The following COL26A1 variants were observed in gnomAD, a reference collection of about 807,000 sequenced individuals.
COL26A1 encodes the protein collagen alpha-1(XXVI) chain.
A neutral mutation model predicts 59.3 loss-of-function variants in COL26A1; 41 were observed. That is an observed-to-expected ratio of 0.69 (90% CI 0.54 to 0.90). COL26A1 has a LOEUF of 0.90. Among genes scored for constraint, COL26A1 ranks in the 40% least tolerant of loss-of-function variants. The pLI, the probability that COL26A1 is intolerant of heterozygous loss-of-function variation, is 0.00. For synonymous variants in COL26A1, 266 were observed against 256.0 expected, an observed-to-expected ratio of 1.04 and a Z score of -0.37; for missense variants, 612 against 602.3, an observed-to-expected ratio of 1.02 and a Z score of -0.17.
At chr7:101,425,693 G>A (rs960845446) in intron 2 of COL26A1, among the ~76,000 whole-genome samples, 1 of 151,874 alleles carries the variant, frequency 6.6e-6, no homozygotes, top group African/African-American at 2.4e-5. Flanking sequence ...AGTGGAAATG[G>A]GGTTTCACCA....
intron 4 of COL26A1, among the ~76,000 whole-genome samples, chr7:101,534,455 C>A (rs531898777): frequency 2.6e-4 from 39 of 152,264 alleles, no homozygotes; most frequent in African/African-American, 8.9e-4. Flanking sequence ...GGCACCTGTG[C>A]ACACACATCT....
chr7:101,491,698 C>T (rs562767324), intron 3 of COL26A1, among the ~76,000 whole-genome samples: 19 of 152,202 alleles, frequency 1.2e-4, no homozygotes, highest in East Asian at 1.9e-4. Flanking sequence ...GGGAGTGTAG[C>T]GGTGAGGACG....
intron 3 of COL26A1, among the ~76,000 whole-genome samples, chr7:101,449,759 A>G (rs1024358499): frequency 6.6e-5 from 10 of 152,186 alleles, no homozygotes; most frequent in African/African-American, 2.2e-4. Flanking sequence ...TAGGTTTGAC[A>G]CCTTGCTAGA....
intron 3 of COL26A1, among the ~76,000 whole-genome samples, chr7:101,450,312 C>T (rs572876895): frequency 1.1e-4 from 17 of 152,246 alleles, no homozygotes; most frequent in Admixed American, 7.2e-4. Context: ...GGAAGCTCAT[C>T]TGAGCCAGAG....
upstream of COL26A1, chr7:101,362,803 C>T (rs1790920746): frequency 1.9e-6 from 1 of 534,850 alleles, no homozygotes; most frequent in Non-Finnish European, 3.3e-6. Flanking sequence ...AACAAAAAAG[C>T]CCCACGCCCC....
chr7:101,362,902 C>T lies in COL26A1; in HGVS notation c.-131C>T, dbSNP rs941985987. ...CCCCCACACATTTCCAGCTCGCACCCGGGCTCCGACCGCTCGCCCCGCTCC... is the reference window on the plus strand; with the variant it reads ...CCCCCACACATTTCCAGCTCGCACCTGGGCTCCGACCGCTCGCCCCGCTCC... On this transcript the variant is annotated 5_prime_UTR_variant, in exon 1 of 13. Coordinates refer to ENST00000313669, the MANE Select transcript of COL26A1 (RefSeq NM_001278563.3). 3 of 942,330 alleles carry T rather than the reference C, an allele frequency of 3.2e-6. No homozygotes were observed. The highest frequency in any genetic ancestry group is 3.0e-6 in the Non-Finnish European group (2 of 670,182). 58.4% of individuals were successfully genotyped at this position (942,330 alleles called of 1,614,324 possible).
At chr7:101,466,184 A>G (rs1223007901) in intron 3 of COL26A1, among the ~76,000 whole-genome samples, 10 of 151,936 alleles carry the variant, frequency 6.6e-5, no homozygotes, top group African/African-American at 2.2e-4. Flanking sequence ...GGCTCCACAC[A>G]CTAGTTCTGT....
intron 3 of COL26A1, among the ~76,000 whole-genome samples, chr7:101,530,351 T>G (rs756250318): frequency 1.3e-5 from 2 of 151,668 alleles, no homozygotes; most frequent in Non-Finnish European, 2.9e-5. Context: ...GGCGGATCCC[T>G]TGAGGTCAGA....
At chr7:101,537,169 TCCCACTG>T (rs1795499014) in intron 4 of COL26A1, among the ~76,000 whole-genome samples, 1 of 152,220 alleles carries the variant, frequency 6.6e-6, no homozygotes, top group Non-Finnish European at 1.5e-5. Flanking sequence ...CCATCTGCTC[TCCCACTG>T]GTGCAGACCT....
intron 1 of COL26A1, among the ~76,000 whole-genome samples, chr7:101,375,057 C>T (rs950536887): frequency 1.0e-5 from 1 of 97,076 alleles, no homozygotes; most frequent in Non-Finnish European, 1.9e-5. Flanking sequence ...AAGACTCCAT[C>T]TTAAAAAAAA....
At chr7:101,549,946 G>A (rs1424199904) in intron 9 of COL26A1, among the ~76,000 whole-genome samples, 3 of 152,142 alleles carry the variant, frequency 2.0e-5, no homozygotes, top group Admixed American at 6.5e-5. Flanking sequence ...CCCCAGGTTC[G>A]CCCTGCCTCT....
At chr7:101,524,400 C>T (rs899913276) in intron 3 of COL26A1, among the ~76,000 whole-genome samples, 11 of 152,266 alleles carry the variant, frequency 7.2e-5, no homozygotes, top group Admixed American at 1.3e-4. Context: ...TATCAGGCAC[C>T]TACAGCCAGA....
At chr7:101,393,006 G>GTTTTT (rs11350670) in intron 1 of COL26A1, among the ~76,000 whole-genome samples, 1 of 129,322 alleles carries the variant, frequency 7.7e-6, no homozygotes, top group Non-Finnish European at 1.7e-5. Flanking sequence ...ATGTTTTTTT[G>GTTTTT]TTTTTTTTTT....
intron 3 of COL26A1, among the ~76,000 whole-genome samples, chr7:101,511,074 T>C (rs1584474938): frequency 6.6e-6 from 1 of 152,054 alleles, no homozygotes; most frequent in South Asian, 2.1e-4. Flanking sequence ...CTAAGTTTTT[T>C]GTATTTTTAG....
At chr7:101,502,951 C>A (rs1254293700) in intron 3 of COL26A1, among the ~76,000 whole-genome samples, 1 of 152,164 alleles carries the variant, frequency 6.6e-6, no homozygotes, top group Non-Finnish European at 1.5e-5. Context: ...AGGTGGGGCC[C>A]ATCTGCTGCC....
chr7:101,389,817 T>G (rs1301786083), intron 1 of COL26A1, among the ~76,000 whole-genome samples: 6 of 152,036 alleles, frequency 3.9e-5, no homozygotes. Flanking sequence ...CCTCCCAAAG[T>G]GCTGGGATTA....
At position 101,489,752 on chromosome 7, in the gene COL26A1, GTC is replaced by G. The variant is rs748699213; in HGVS notation, c.385+41971_385+41972del. ...CTCTCTCTTTCTCTCTTTCTTTCTT[GTC>G]TCTCTTTCTTTCTTTCTTTCTTTCT... is the stretch of plus-strand genomic sequence containing the variant. On this transcript the variant is annotated intron_variant, in intron 3 of 12. Transcript: ENST00000313669. 9.5e-4 allele frequency among the ~76,000 whole-genome samples: 24 copies of G among 25,384 alleles called. 3 individuals are homozygous for G. The highest frequency in any genetic ancestry group is 1.5e-3 in the Admixed American group (5 of 3,410). 16.7% of individuals were successfully genotyped at this position (25,384 alleles called of 152,430 possible).
At chr7:101,415,313 C>T (rs1399322553) in intron 1 of COL26A1, among the ~76,000 whole-genome samples, 2 of 151,654 alleles carry the variant, frequency 1.3e-5, no homozygotes, top group Admixed American at 6.6e-5. Context: ...CCACCATGCC[C>T]GGCTAATTTT....
At position 101,394,591 on chromosome 7, in the gene COL26A1, T is replaced by C. The variant is rs539642509; in HGVS notation, c.159-25386T>C. On this transcript the variant is annotated intron_variant, in intron 1 of 12. Coordinates refer to ENST00000313669, the MANE Select transcript of COL26A1 (RefSeq NM_001278563.3). The stretch of plus-strand genomic sequence containing the variant: ...CTAGCTATTTTTTTCTTTTCTTTTT[T>C]TTTTTTTTTTTTGTAGAGATGGGGT... Among the ~76,000 whole-genome samples, 16 of 145,788 alleles carry C rather than the reference T, an allele frequency of 1.1e-4. No individual in the cohort carries two copies. The East Asian group carries it at 1.4e-3, about 13-fold the overall frequency.
Sources: allele counts gnomAD v4.1 joint callset (sites outside exome capture counted in the v4.1 genomes callset), GRCh38; gene constraint gnomAD v4.1.1; transcripts MANE v1.5; gene names NCBI Gene and HGNC (gene_info 2026-07-23, HGNC 2026-07-21).